MYOZ2: variants seen among roughly 807,000 people sequenced by gnomAD.
MYOZ2 encodes myozenin-2.
A neutral mutation model predicts 25.4 loss-of-function variants in MYOZ2; 19 were observed. The observed-to-expected ratio is 0.75, with a 90% CI of 0.52 to 1.10. The LOEUF is 1.10. Among genes scored for constraint, MYOZ2 ranks in the 50% least tolerant of loss-of-function variants. MYOZ2 has a pLI of 0.00. For synonymous variants in MYOZ2, 92 were observed against 106.9 expected (o/e 0.86, Z 0.86); for missense variants, 270 against 317.9 (o/e 0.85, Z 1.15).
Position 119,164,313 on chromosome 4 carries a change from C to G in MYOZ2, c.479C>G (p.Pro160Arg), listed in dbSNP as rs200791464. ...TGGGAACAAGCCATTAGCAATGATCCGGAGCTTTTAGAGGCTTTATATCCT... is the reference window on the plus strand; with the variant it reads ...TGGGAACAAGCCATTAGCAATGATCGGGAGCTTTTAGAGGCTTTATATCCT... ...SPWEQAISNDPELLEALYPKL... is the reference protein window; with the variant it reads ...SPWEQAISNDRELLEALYPKL... Residue 160 changes from proline (P) to arginine (R), a missense_variant, in exon 5 of 6, where the codon CCG becomes CGG. Coordinates refer to ENST00000307128, the MANE Select transcript of MYOZ2 (RefSeq NM_016599.5). 1 of 1,614,038 alleles carries G rather than the reference C, an allele frequency of 6.2e-7. No individual in the cohort carries two copies. The highest frequency in any genetic ancestry group is 1.7e-5 in the Admixed American group (1 of 60,004).
intron 2 of MYOZ2, among the ~76,000 whole-genome samples, chr4:119,148,496 A>G (rs534306033): frequency 4.6e-5 from 7 of 152,018 alleles, no homozygotes; most frequent in East Asian, 1.9e-4. Flanking sequence ...TATATCTTTT[A>G]TTAGAGTCCC....
At chr4:119,168,813 T>C (rs969487086) in intron 5 of MYOZ2, among the ~76,000 whole-genome samples, 5 of 152,202 alleles carry the variant, frequency 3.3e-5, no homozygotes, top group Admixed American at 1.3e-4. Flanking sequence ...GTGAATATTG[T>C]TGACATGACA....
At chr4:119,150,456 G>T (rs1741421114) in intron 2 of MYOZ2, among the ~76,000 whole-genome samples, 1 of 149,160 alleles carries the variant, frequency 6.7e-6, no homozygotes, top group Non-Finnish European at 1.5e-5. Flanking sequence ...TGGAGTGGGA[G>T]GGTAGGCATT....
intron 5 of MYOZ2, among the ~76,000 whole-genome samples, chr4:119,185,320 T>C (rs1402132279): frequency 6.6e-6 from 1 of 150,956 alleles, no homozygotes; most frequent in Non-Finnish European, 1.5e-5. Flanking sequence ...GGGAATATCT[T>C]TTTTTTTTCT....
chr4:119,157,005 G>A (rs1185999247), intron 3 of MYOZ2, among the ~76,000 whole-genome samples: 1 of 152,028 alleles, frequency 6.6e-6, no homozygotes, highest in Non-Finnish European at 1.5e-5. Flanking sequence ...AAACAAAATT[G>A]TATTCTATCC....
chr4:119,143,722 A>G lies in MYOZ2; in HGVS notation c.76+7121A>G, dbSNP rs79087238. 5.1e-3 allele frequency among the ~76,000 whole-genome samples: 780 copies of G among 152,158 alleles called. 8 individuals are homozygous for G. The highest frequency in any genetic ancestry group is 6.4e-3 in the Non-Finnish European group (437 of 68,000). ...CATCCGTCTCTCTCTACCTCCTTCC[A>G]AGTCCCTGGCAACTACTGATCTTTA... On this transcript the variant is annotated intron_variant, in intron 2 of 5. Coordinates refer to ENST00000307128, the MANE Select transcript of MYOZ2 (RefSeq NM_016599.5).
intron 2 of MYOZ2, among the ~76,000 whole-genome samples, chr4:119,150,074 A>G (rs367898276): frequency 2.0e-5 from 3 of 152,200 alleles, no homozygotes; most frequent in Non-Finnish European, 4.4e-5. Context: ...TAAAGAAGCA[A>G]GTGGAAAGAT....
At chr4:119,182,750 C>G (rs1001675583) in intron 5 of MYOZ2, among the ~76,000 whole-genome samples, 1 of 152,144 alleles carries the variant, frequency 6.6e-6, no homozygotes, top group Admixed American at 6.5e-5. Flanking sequence ...ACTCACCCTC[C>G]GCTCACCTTC....
At position 119,164,311 on chromosome 4, in the gene MYOZ2, T is replaced by G. The variant is rs1363936227; in HGVS notation, c.477T>G (p.Asp159Glu). The part of the protein sequence containing the change: ...QSPWEQAISN[D>E]PELLEALYPK... ...CCTGGGAACAAGCCATTAGCAATGA[T>G]CCGGAGCTTTTAGAGGCTTTATATC... Residue 159 changes from aspartate (D) to glutamate (E), a missense_variant, in exon 5 of 6, where the codon GAT becomes GAG. By Grantham distance (45) the Asp-to-Glu change is conservative. Coordinates refer to ENST00000307128, the MANE Select transcript of MYOZ2 (RefSeq NM_016599.5). 6.2e-7 allele frequency: 1 copy of G among 1,614,098 alleles called. No individual in the cohort carries two copies. The highest frequency in any genetic ancestry group is 2.2e-5 in the East Asian group (1 of 44,870).
At chr4:119,146,435 G>A (rs934734103) in intron 2 of MYOZ2, among the ~76,000 whole-genome samples, 3 of 151,872 alleles carry the variant, frequency 2.0e-5, no homozygotes, top group Admixed American at 6.5e-5. Context: ...TTTCAAATTC[G>A]TTTAGTTCAC....
At chr4:119,182,963 T>C (rs931316139) in intron 5 of MYOZ2, among the ~76,000 whole-genome samples, 1 of 152,192 alleles carries the variant, frequency 6.6e-6, no homozygotes, top group Non-Finnish European at 1.5e-5. Context: ...AGACTATACA[T>C]ATTTATGTTT....
chr4:119,143,664 T>C (rs1304909724), intron 2 of MYOZ2, among the ~76,000 whole-genome samples: 2 of 152,184 alleles, frequency 1.3e-5, no homozygotes, highest in Non-Finnish European at 2.9e-5. Context: ...GGATAGTTTC[T>C]CGGCCCTAAA....
At chr4:119,159,090 A>G (rs192214153) in intron 4 of MYOZ2, among the ~76,000 whole-genome samples, 2 of 152,268 alleles carry the variant, frequency 1.3e-5, no homozygotes, top group African/African-American at 2.4e-5. Context: ...TACACCTATT[A>G]TGTACCCACA....
At chr4:119,172,563 C>T (rs1265157010) in intron 5 of MYOZ2, among the ~76,000 whole-genome samples, 1 of 152,184 alleles carries the variant, frequency 6.6e-6, no homozygotes, top group Non-Finnish European at 1.5e-5. Flanking sequence ...ATCTCAAACA[C>T]TGTTCTAAGG....
intron 4 of MYOZ2, among the ~76,000 whole-genome samples, chr4:119,162,355 T>G (rs1023136398): frequency 6.6e-6 from 1 of 151,914 alleles, no homozygotes; most frequent in Non-Finnish European, 1.5e-5. Flanking sequence ...CTGGGAGGCA[T>G]TAGGGTCCCC....
At chr4:119,183,161 A>G (rs1000944844) in intron 5 of MYOZ2, among the ~76,000 whole-genome samples, 2 of 152,216 alleles carry the variant, frequency 1.3e-5, no homozygotes, top group Non-Finnish European at 2.9e-5. Flanking sequence ...CGAATTACAA[A>G]GATACATCAG....
At chr4:119,139,109 A>G (rs1741104061) in intron 2 of MYOZ2, among the ~76,000 whole-genome samples, 1 of 152,182 alleles carries the variant, frequency 6.6e-6, no homozygotes, top group Non-Finnish European at 1.5e-5. Context: ...ATCCATTGTG[A>G]TTTGGTTTCA....
intron 2 of MYOZ2, among the ~76,000 whole-genome samples, chr4:119,141,343 C>T (rs1398733123): frequency 6.6e-6 from 1 of 152,086 alleles, no homozygotes; most frequent in African/African-American, 2.4e-5. Flanking sequence ...ATAAATGACA[C>T]CAATAAGAAA....
intron 5 of MYOZ2, among the ~76,000 whole-genome samples, chr4:119,174,764 C>T (rs1053426392): frequency 3.3e-5 from 5 of 152,154 alleles, no homozygotes; most frequent in Admixed American, 6.5e-5. Context: ...CCCTTCCACA[C>T]AGTGGAAGCT....
Sources: gnomAD v4.1 joint callset for allele counts (sites outside exome capture counted in the v4.1 genomes callset) on GRCh38, gnomAD v4.1.1 for gene constraint, MANE v1.5 for transcripts, NCBI Gene and HGNC (gene_info 2026-07-23, HGNC 2026-07-21) for gene names.